The following FDCSP variants were observed in gnomAD, a reference collection of about 807,000 sequenced individuals.
FDCSP encodes follicular dendritic cell secreted peptide.
A neutral mutation model predicts 8.9 loss-of-function variants in FDCSP; 8 were observed. The ratio of observed to expected loss-of-function variants is 0.90; its 90% CI spans 0.53 to 1.63. The LOEUF is 1.63. Ranked by LOEUF, FDCSP falls within the 40% of genes most tolerant of loss-of-function variation. The pLI is 0.00. For synonymous variants in FDCSP, 34 were observed against 34.5 expected, an observed-to-expected ratio of 0.98 and a Z score of 0.06; for missense variants, 101 against 103.6, an observed-to-expected ratio of 0.98 and a Z score of 0.11.
At chr4:70,230,321 T>A (rs1730058345) in intron 1 of FDCSP, among the ~76,000 whole-genome samples, 1 of 151,710 alleles carries the variant, frequency 6.6e-6, no homozygotes, top group African/African-American at 2.4e-5. Flanking sequence ...TGAAATCAAG[T>A]AATATGCACA....
intron 3 of FDCSP, among the ~76,000 whole-genome samples, chr4:70,233,429 C>G (rs1015114041): frequency 2.6e-5 from 4 of 151,750 alleles, no homozygotes; most frequent in Admixed American, 2.6e-4. Flanking sequence ...GGCAAATTCA[C>G]TCATGGATTA....
chr4:70,229,711 A>G (rs985604524), intron 1 of FDCSP, among the ~76,000 whole-genome samples: 4 of 151,690 alleles, frequency 2.6e-5, no homozygotes, highest in African/African-American at 9.7e-5. Flanking sequence ...AGCAATCGAA[A>G]CATTCACAAG....
intron 3 of FDCSP, 35 bp from the exon 4 acceptor site, chr4:70,233,985 G>A (rs939188008): frequency 3.9e-6 from 6 of 1,538,790 alleles, no homozygotes; most frequent in South Asian, 1.3e-5. Flanking sequence ...TTTGTAAAAA[G>A]TGAAATAAAC....
intron 1 of FDCSP, among the ~76,000 whole-genome samples, chr4:70,227,324 G>A (rs1578247058): frequency 6.6e-6 from 1 of 151,748 alleles, no homozygotes; most frequent in South Asian, 2.1e-4. Flanking sequence ...TTACATTCCT[G>A]TCTTCTCAAA....
At position 70,229,985 on chromosome 4, in the gene FDCSP, G is replaced by T. The variant is rs75247257; in HGVS notation, c.1-1210G>T. Among the ~76,000 whole-genome samples the T allele has an allele frequency of 7.3e-3, 1,111 of 151,730 alleles. 13 individuals carry two copies. The highest frequency in any genetic ancestry group is 0.025 in the African/African-American group (1,047 of 41,444). ...AATGGTGCTGATAGACTTGCTCGAT[G>T]CCGGATTGCCACAAATTGCCACTCA... On this transcript the variant is annotated intron_variant, in intron 1 of 4. Transcript: ENST00000317987.
intron 2 of FDCSP, among the ~76,000 whole-genome samples, chr4:70,232,709 C>G (rs930293281): frequency 6.6e-6 from 1 of 151,500 alleles, no homozygotes; most frequent in African/African-American, 2.4e-5. Context: ...TACCTAACAC[C>G]TGCCCTTTTA....
In FDCSP at chr4:70,233,031, G is replaced by A; in HGVS notation, c.90+5G>A. 5 of 1,591,838 alleles carry A rather than the reference G, an allele frequency of 3.1e-6. No homozygotes were observed. Among genetic ancestry groups the A allele is most frequent in the Non-Finnish European group, 4.3e-6 (5 of 1,170,524 alleles). Reference sequence around the variant, plus strand: ...CAGGAACGAGAAAAAAGAAGTGTAAGTTACCTTTTCTCTTTTTTACATGTA... The same window carrying A: ...CAGGAACGAGAAAAAAGAAGTGTAAATTACCTTTTCTCTTTTTTACATGTA... On this transcript the variant is annotated splice_donor_5th_base_variant and intron_variant, in intron 3 of 4. Transcript: ENST00000317987.
At position 70,234,098 on chromosome 4, in the gene FDCSP, C is replaced by G. The variant is rs765385697; in HGVS notation, c.169C>G (p.Pro57Ala). The stretch of plus-strand genomic sequence containing the variant: ...TCCATTTCGCCCACTTCCACCAATT[C>G]CATTTCCAAGATTTCCATGGTTTAG... Reference protein sequence around the residue: ...PYPFRPLPPIPFPRFPWFRRN... With the variant: ...PYPFRPLPPIAFPRFPWFRRN... Residue 57 changes from proline to alanine, a missense_variant, in exon 4 of 5, where the codon CCA becomes GCA. Transcript: ENST00000317987. The G allele has an allele frequency of 6.2e-7, 1 of 1,611,490 alleles. No homozygotes were observed. Among genetic ancestry groups the G allele is most frequent in the Non-Finnish European group, 8.5e-7 (1 of 1,178,318 alleles).
intron 3 of FDCSP, 56 bp from the exon 4 acceptor site, chr4:70,233,964 T>G: frequency 6.7e-7 from 1 of 1,500,120 alleles, no homozygotes; most frequent in Non-Finnish European, 8.9e-7. Flanking sequence ...AAAGCTGTTT[T>G]ATTTCTCTTC....
chr4:70,232,604 A>C (rs1730104073), intron 2 of FDCSP, among the ~76,000 whole-genome samples: 1 of 151,356 alleles, frequency 6.6e-6, no homozygotes, highest in African/African-American at 2.4e-5. Flanking sequence ...ATGACTCTAT[A>C]TTTTGTCTTG....
intron 2 of FDCSP, among the ~76,000 whole-genome samples, chr4:70,231,672 T>A (rs761775280): frequency 6.6e-6 from 1 of 151,746 alleles, no homozygotes; most frequent in Non-Finnish European, 1.5e-5. Context: ...GTTACTGGTT[T>A]GTGTATTAAT....
At chr4:70,231,494 A>T (rs530278850) in intron 2 of FDCSP, among the ~76,000 whole-genome samples, 236 of 150,016 alleles carry the variant, frequency 1.6e-3, no homozygotes, top group African/African-American at 5.6e-3. Context: ...AAAAATATAT[A>T]TATAATGAAC....
Position 70,234,464 on chromosome 4 carries a change from T to G in FDCSP, c.*28+249T>G, listed in dbSNP as rs114151440. Among the ~76,000 whole-genome samples the G allele has an allele frequency of 7.3e-3, 1,114 of 151,758 alleles. 13 individuals are homozygous for G. The highest frequency in any genetic ancestry group is 0.025 in the African/African-American group (1,052 of 41,476). On this transcript the variant is annotated intron_variant, in intron 4 of 4. Transcript: ENST00000317987. ...GTGATGTAACAGAAACAATTTCAAT[T>G]TTATTAAAATATTGTTTACAAAGTA... is the stretch of plus-strand genomic sequence containing the variant.
intron 1 of FDCSP, among the ~76,000 whole-genome samples, chr4:70,229,018 A>C (rs1730036227): frequency 6.6e-6 from 1 of 151,746 alleles, no homozygotes; most frequent in Admixed American, 6.6e-5. Context: ...TGAAGCTTTG[A>C]AGCCAGGCAT....
At chr4:70,226,894 G>T (rs1214770372) in intron 1 of FDCSP, among the ~76,000 whole-genome samples, 1 of 151,812 alleles carries the variant, frequency 6.6e-6, no homozygotes, top group African/African-American at 2.4e-5. Flanking sequence ...TTACTTATTT[G>T]CTTAATGTAG....
chr4:70,231,237 G>T lies in FDCSP; in HGVS notation c.43G>T (p.Ala15Ser). ...CCTGATCACAGCCATCTTGGCAGTG[G>T]CTGTTGGTTTCCCAGTAAGTATCCA... ...LLLITAILAV[A>S]VGFPVSQDQE... Residue 15 changes from alanine to serine, a missense_variant, in exon 2 of 5, where the codon GCT (alanine) becomes TCT (serine). Ala to Ser is a moderately conservative substitution (Grantham distance 99, BLOSUM62 1). Transcript: ENST00000317987. 1 of 1,603,156 alleles carries T rather than the reference G, an allele frequency of 6.2e-7. No homozygotes were observed. The highest frequency in any genetic ancestry group is 8.5e-7 in the Non-Finnish European group (1 of 1,174,018).
rs1279876494 is a variant in FDCSP at position 70,231,233 on chromosome 4, A to T, written c.39A>T (p.Ala13=). 2 of 1,603,224 alleles carry T rather than the reference A, an allele frequency of 1.2e-6. No individual in the cohort carries two copies. The highest frequency in any genetic ancestry group is 3.4e-5 in the Admixed American group (2 of 58,656). The change falls in exon 2 of 5, where the codon GCA becomes GCT. Residue 13 remains alanine, a synonymous_variant. Coordinates refer to ENST00000317987, the MANE Select transcript of FDCSP (RefSeq NM_152997.4). ...TCCTCCTGATCACAGCCATCTTGGC[A>T]GTGGCTGTTGGTTTCCCAGTAAGTA... ...KVLLLITAIL[A]VAVGFPVSQD...
chr4:70,231,057 C>A, intron 1 of FDCSP, 138 bp from the exon 2 acceptor site: 1 of 616,390 alleles, frequency 1.6e-6, no homozygotes, highest in Non-Finnish European at 2.7e-6. Context: ...AAGTGACTTG[C>A]TCAAACTCAA....
rs1235374933 is a variant in FDCSP, at chr4:70,231,230, G to A, written c.36G>A (p.Leu12=). 6.2e-7 allele frequency: 1 copy of A among 1,602,232 alleles called. No individual in the cohort carries two copies. The highest frequency in any genetic ancestry group is 1.7e-5 in the Admixed American group (1 of 58,524). Residue 12 remains leucine, a synonymous_variant, in exon 2 of 5, where the codon TTG becomes TTA. Transcript: ENST00000317987. Reference sequence around the variant, plus strand: ...TTCTCCTCCTGATCACAGCCATCTTGGCAGTGGCTGTTGGTTTCCCAGTAA... The same window carrying A: ...TTCTCCTCCTGATCACAGCCATCTTAGCAGTGGCTGTTGGTTTCCCAGTAA... The part of the protein sequence containing the change: ...KKVLLLITAI[L]AVAVGFPVSQ...
Sources: gnomAD v4.1 joint callset for allele counts (sites outside exome capture counted in the v4.1 genomes callset) on GRCh38, gnomAD v4.1.1 for gene constraint, MANE v1.5 for transcripts, NCBI Gene and HGNC (gene_info 2026-07-23, HGNC 2026-07-21) for gene names.